CCN4: variants seen among roughly 807,000 people sequenced by gnomAD.
CCN4 encodes the protein CCN family member 4.
CCN4 carries 30 observed loss-of-function variants against 36.7 expected under a neutral mutation model. The ratio of observed to expected loss-of-function variants is 0.82; its 90% CI spans 0.61 to 1.11. The LOEUF is 1.11. Ranked by LOEUF, CCN4 falls within the 50% of genes least tolerant of loss-of-function variation. The probability of loss-of-function intolerance (pLI) is 0.00; values close to 1 mark genes in which losing one functional copy is unlikely to be tolerated. For synonymous variants in CCN4, 191 were observed against 195.4 expected, an observed-to-expected ratio of 0.98 and a Z score of 0.19; for missense variants, 505 against 504.9, an observed-to-expected ratio of 1.00 and a Z score of 0.00.
intron 1 of CCN4, among the ~76,000 whole-genome samples, chr8:133,202,452 G>C (rs977652070): frequency 6.6e-6 from 1 of 152,136 alleles, no homozygotes; most frequent in African/African-American, 2.4e-5. Context: ...TATACAGATT[G>C]ACAAATGAGT....
intron 1 of CCN4, among the ~76,000 whole-genome samples, chr8:133,197,685 C>T (rs961604873): frequency 5.3e-5 from 8 of 152,180 alleles, no homozygotes; most frequent in East Asian, 1.9e-4. Context: ...CCCACCCCAC[C>T]GTCTCCAATC....
chr8:133,221,522 GGATA>G (rs1213609045), intron 3 of CCN4, among the ~76,000 whole-genome samples: 1 of 152,054 alleles, frequency 6.6e-6, no homozygotes, highest in East Asian at 1.9e-4. Context: ...ATGAGTGGAT[GGATA>G]GATGACGGAT....
At position 133,229,923 on chromosome 8, in the gene CCN4, A is replaced by C. The variant is rs1305516696; in HGVS notation, c.*2213A>C. ...ATGATCTCTTCTGTAAGTCAGTGTG[A>C]ATCATGTTAGATTTTCTGAGAGTGA... On this transcript the variant is annotated 3_prime_UTR_variant, in exon 5 of 5. Coordinates refer to ENST00000250160, the MANE Select transcript of CCN4 (RefSeq NM_003882.4). The C allele has an allele frequency of 2.0e-5, 3 of 152,232 alleles. No homozygotes were observed. The highest frequency in any genetic ancestry group is 4.4e-5 in the Non-Finnish European group (3 of 68,038). The allele number at this position is 152,232 out of a possible 1,614,324, so 9.4% of individuals were successfully genotyped here. A position where few individuals can be genotyped will look rare whatever the true frequency, so the allele number is the denominator to read the frequency against.
chr8:133,194,378 G>A (rs1397778770), intron 1 of CCN4, among the ~76,000 whole-genome samples: 4 of 111,440 alleles, frequency 3.6e-5, no homozygotes, highest in Admixed American at 9.4e-5. Context: ...GTGTGTGTGG[G>A]GTGTGTGTGT....
Position 133,228,560 on chromosome 8 carries a change from G to A in CCN4, c.*850G>A, listed in dbSNP as rs893133641. 1.3e-5 allele frequency: 2 copies of A among 152,154 alleles called. No individual in the cohort carries two copies. The highest frequency in any genetic ancestry group is 1.3e-4 in the Admixed American group (2 of 15,274). 9.4% of individuals were successfully genotyped at this position (152,154 alleles called of 1,614,324 possible). The stretch of plus-strand genomic sequence containing the variant: ...GAATCTTCTCCCTTGTCCTGCTTGG[G>A]GTTCATAGGAATTGGTAAGGCCTCT... On this transcript the variant is annotated 3_prime_UTR_variant, in exon 5 of 5. Coordinates refer to ENST00000250160, the MANE Select transcript of CCN4 (RefSeq NM_003882.4).
intron 1 of CCN4, among the ~76,000 whole-genome samples, chr8:133,210,876 G>C (rs1853998157): frequency 6.6e-6 from 1 of 152,204 alleles, no homozygotes; most frequent in East Asian, 1.9e-4. Flanking sequence ...AGGGGCCCCA[G>C]GTGAAAAAGA....
chr8:133,227,952 A>C lies in CCN4; in HGVS notation c.*242A>C. The C allele has an allele frequency of 2.0e-6, 1 of 488,038 alleles. No homozygotes were observed. The highest frequency in any genetic ancestry group is 3.6e-6 in the Non-Finnish European group (1 of 276,524). The allele number at this position is 488,038 out of a possible 1,614,324, so 30.2% of individuals were successfully genotyped here. ...AAATGCCTGTCTCTAGCTGTTCTGG[A>C]CTACACCCAAGCCTGATCCAGCCTT... On this transcript the variant is annotated 3_prime_UTR_variant, in exon 5 of 5. Transcript: ENST00000250160.
chr8:133,207,732 G>T (rs1332371927), intron 1 of CCN4, among the ~76,000 whole-genome samples: 1 of 152,188 alleles, frequency 6.6e-6, no homozygotes, highest in Non-Finnish European at 1.5e-5. Flanking sequence ...CAGATCTTAG[G>T]TATGTTGATT....
Position 133,224,286 on chromosome 8 carries a change from G to A in CCN4, c.611-1104G>A, listed in dbSNP as rs532036616. Among the ~76,000 whole-genome samples, 5 of 139,422 alleles carry A rather than the reference G, an allele frequency of 3.6e-5. No individual in the cohort carries two copies. In the South Asian group the frequency reaches 9.0e-4, roughly 25 times the overall value. 91.5% of individuals were successfully genotyped at this position (139,422 alleles called of 152,430 possible). ...GACAGAATCCTGCTTTTTAGACCAGGCTGGAGTGCACGGGCACGATCTTGG... is the reference window on the plus strand; with the variant it reads ...GACAGAATCCTGCTTTTTAGACCAGACTGGAGTGCACGGGCACGATCTTGG... On this transcript the variant is annotated intron_variant, in intron 3 of 4. Coordinates refer to ENST00000250160, the MANE Select transcript of CCN4 (RefSeq NM_003882.4).
chr8:133,199,686 G>A (rs185689647), intron 1 of CCN4, among the ~76,000 whole-genome samples: 8 of 152,248 alleles, frequency 5.3e-5, no homozygotes, highest in African/African-American at 1.7e-4. Flanking sequence ...TAAATCTGTC[G>A]CCTACATACA....
intron 1 of CCN4, among the ~76,000 whole-genome samples, chr8:133,195,974 G>A (rs901723804): frequency 6.6e-6 from 1 of 152,242 alleles, no homozygotes; most frequent in Non-Finnish European, 1.5e-5. Context: ...CATGGTCCAG[G>A]TGGGTTCCTG....
intron 1 of CCN4, among the ~76,000 whole-genome samples, chr8:133,210,202 T>C (rs1762759806): frequency 6.6e-6 from 1 of 152,090 alleles, no homozygotes; most frequent in South Asian, 2.1e-4. Context: ...CAAGTTCACA[T>C]TCCAGTGAGC....
Position 133,231,271 on chromosome 8 carries a change from C to T in CCN4, c.*3561C>T, listed in dbSNP as rs1203557837. The T allele has an allele frequency of 4.6e-5, 7 of 152,000 alleles. No individual in the cohort carries two copies. The highest frequency in any genetic ancestry group is 1.0e-4 in the Non-Finnish European group (7 of 68,016). 9.4% of individuals were successfully genotyped at this position (152,000 alleles called of 1,614,324 possible). A position where few individuals can be genotyped will look rare whatever the true frequency, so the allele number is the denominator to read the frequency against. On this transcript the variant is annotated 3_prime_UTR_variant, in exon 5 of 5. Coordinates refer to ENST00000250160, the MANE Select transcript of CCN4 (RefSeq NM_003882.4). The stretch of plus-strand genomic sequence containing the variant: ...GATCCAAAGCAGTCACAATGATAAC[C>T]CTGCATATCTGGGAATCATAAGTCA...
chr8:133,216,921 C>T (rs771815828), intron 2 of CCN4, among the ~76,000 whole-genome samples: 5 of 152,324 alleles, frequency 3.3e-5, no homozygotes, highest in Admixed American at 2.0e-4. Context: ...GTCTTATTCA[C>T]GGCCACCTTT....
chr8:133,215,202 A>C (rs1188709031), intron 2 of CCN4, among the ~76,000 whole-genome samples: 2 of 152,212 alleles, frequency 1.3e-5, no homozygotes, highest in Non-Finnish European at 2.9e-5. Context: ...CCCACCCCAG[A>C]CTTGTTGAAT....
At position 133,220,606 on chromosome 8, in the gene CCN4, G is replaced by A; in HGVS notation, c.375G>A (p.Leu125=). The change falls in exon 3 of 5, where the codon CTG becomes CTA. Residue 125 remains leucine (L), a synonymous_variant. Transcript: ENST00000250160. ...CAQVVGVGCV[L]DGVRYNNGQS... ...AGGTGGTCGGTGTGGGCTGCGTCCT[G>A]GATGGGGTGCGCTACAACAACGGCC... 6.2e-7 allele frequency: 1 copy of A among 1,614,116 alleles called. No homozygotes were observed. Among genetic ancestry groups the A allele is most frequent in the South Asian group, 1.1e-5 (1 of 91,078 alleles).
chr8:133,207,118 G>A (rs780303754), intron 1 of CCN4, among the ~76,000 whole-genome samples: 1 of 152,226 alleles, frequency 6.6e-6, no homozygotes, highest in Non-Finnish European at 1.5e-5. Context: ...TTGGGTAAAG[G>A]AGTTCTAAGA....
chr8:133,191,139 C>A lies in CCN4; in HGVS notation c.-6C>A. On this transcript the variant is annotated 5_prime_UTR_variant, in exon 1 of 5. Transcript: ENST00000250160. ...CGGTCGATGCCTGTGCCACTGACGT[C>A]CAGGCATGAGGTGGTTCCTGCCCTG... 1.9e-6 allele frequency: 3 copies of A among 1,606,266 alleles called. No individual in the cohort carries two copies. Among genetic ancestry groups the A allele is most frequent in the Non-Finnish European group, 2.5e-6 (3 of 1,179,850 alleles).
At chr8:133,205,785 A>G (rs1310961191) in intron 1 of CCN4, among the ~76,000 whole-genome samples, 2 of 152,198 alleles carry the variant, frequency 1.3e-5, no homozygotes, top group Non-Finnish European at 2.9e-5. Context: ...TTGAGATCCT[A>G]CAGAAGCCTC....
Sources: allele counts gnomAD v4.1 joint callset (sites outside exome capture counted in the v4.1 genomes callset), GRCh38; gene constraint gnomAD v4.1.1; transcripts MANE v1.5; gene names NCBI Gene and HGNC (gene_info 2026-07-23, HGNC 2026-07-21).